The following STK32B variants were observed in gnomAD, a reference collection of about 807,000 sequenced individuals.
STK32B encodes serine/threonine-protein kinase 32B.
STK32B carries 43 observed loss-of-function variants against 52.6 expected under a neutral mutation model. The observed-to-expected ratio is 0.82, with a 90% CI of 0.64 to 1.05. The LOEUF (loss-of-function observed/expected upper bound fraction) is 1.05. STK32B is among the 50% of genes least tolerant of loss of function. STK32B has a pLI of 0.00. For synonymous variants in STK32B, 238 were observed against 204.3 expected (o/e 1.17, Z -1.41); for missense variants, 621 against 534.6 (o/e 1.16, Z -1.59).
intron 5 of STK32B, among the ~76,000 whole-genome samples, chr4:5,405,358 C>T (rs56718327): frequency 0.034 from 5,199 of 152,128 alleles, 295 homozygotes; most frequent in African/African-American, 0.12. Flanking sequence ...CCAGTTTGCT[C>T]ACCCTAAATT....
chr4:5,205,054 G>C (rs148924507), intron 3 of STK32B, among the ~76,000 whole-genome samples: 1 of 152,186 alleles, frequency 6.6e-6, no homozygotes, highest in Non-Finnish European at 1.5e-5. Context: ...TGGAGGGCCC[G>C]AGTGGAACAA....
intron 1 of STK32B, among the ~76,000 whole-genome samples, chr4:5,075,271 C>T (rs769478915): frequency 1.3e-5 from 2 of 152,164 alleles, no homozygotes; most frequent in African/African-American, 2.4e-5. Context: ...CAAATGTGAT[C>T]ATTCTGCCAT....
intron 4 of STK32B, among the ~76,000 whole-genome samples, chr4:5,371,056 G>A (rs1028808102): frequency 8.6e-5 from 13 of 151,332 alleles, no homozygotes; most frequent in South Asian, 2.1e-4. Context: ...GTGTGTGTGT[G>A]TATATATTCT....
rs565000861 is a variant in STK32B, at chr4:5,441,645, G to C, written c.563-5028G>C. Reference sequence around the variant, plus strand: ...TTTAGTTATTTCTTGCCTTCTGCTAGCTTTTGAATGTGTTTGCTCTTGCTT... The same window carrying C: ...TTTAGTTATTTCTTGCCTTCTGCTACCTTTTGAATGTGTTTGCTCTTGCTT... On this transcript the variant is annotated intron_variant, in intron 6 of 11. Coordinates refer to ENST00000282908, the MANE Select transcript of STK32B (RefSeq NM_018401.3). 5.9e-3 allele frequency among the ~76,000 whole-genome samples: 901 copies of C among 152,108 alleles called. 6 individuals carry two copies. The highest frequency in any genetic ancestry group is 0.021 in the African/African-American group (873 of 41,496).
chr4:5,379,967 C>A (rs535147011), intron 4 of STK32B, among the ~76,000 whole-genome samples: 2 of 152,282 alleles, frequency 1.3e-5, no homozygotes, highest in African/African-American at 2.4e-5. Context: ...CAGTTCAGAG[C>A]AGCTTAAGGC....
chr4:5,389,001 A>G (rs1036940804), intron 4 of STK32B, among the ~76,000 whole-genome samples: 14 of 152,228 alleles, frequency 9.2e-5, no homozygotes, highest in Non-Finnish European at 1.9e-4. Flanking sequence ...GCAGGATTAA[A>G]AAAAAATCAG....
At chr4:5,489,521 ACTGT>A (rs941078812) in intron 11 of STK32B, among the ~76,000 whole-genome samples, 10 of 152,196 alleles carry the variant, frequency 6.6e-5, no homozygotes, top group African/African-American at 1.7e-4. Context: ...AAAATATAAA[ACTGT>A]CTGATAAGTA....
chr4:5,313,470 A>C (rs1351182404), intron 3 of STK32B, among the ~76,000 whole-genome samples: 3 of 152,010 alleles, frequency 2.0e-5, no homozygotes, highest in Admixed American at 2.0e-4. Flanking sequence ...TTTTGCTTTT[A>C]CTACTCTTAC....
intron 5 of STK32B, among the ~76,000 whole-genome samples, chr4:5,402,158 G>A (rs887655807): frequency 4.6e-5 from 7 of 152,268 alleles, no homozygotes; most frequent in African/African-American, 1.2e-4. Context: ...GAGACAAAGC[G>A]AGTCACTTGG....
intron 3 of STK32B, among the ~76,000 whole-genome samples, chr4:5,317,311 C>CATATAAAAT (rs199778975): frequency 4.2e-5 from 1 of 24,058 alleles, no homozygotes; most frequent in African/African-American, 2.6e-4. Flanking sequence ...TAATATATAA[C>CATATAAAAT]ATATGTATAA....
intron 3 of STK32B, among the ~76,000 whole-genome samples, chr4:5,253,740 A>G (rs1176379263): frequency 6.6e-6 from 1 of 152,150 alleles, no homozygotes; most frequent in Non-Finnish European, 1.5e-5. Flanking sequence ...ACATAGAGTT[A>G]ACACTACTGA....
chr4:5,414,721 T>C (rs966029158), intron 5 of STK32B, among the ~76,000 whole-genome samples: 2 of 152,244 alleles, frequency 1.3e-5, no homozygotes, highest in Non-Finnish European at 2.9e-5. Context: ...AGAAATCATA[T>C]ATACATTTGC....
At chr4:5,055,594 T>G (rs1376486740) in intron 1 of STK32B, among the ~76,000 whole-genome samples, 2 of 152,096 alleles carry the variant, frequency 1.3e-5, no homozygotes, top group Non-Finnish European at 2.9e-5. Flanking sequence ...GTTAAGAAAA[T>G]AAAAGCTGAA....
At position 5,443,601 on chromosome 4, in the gene STK32B, T is replaced by C. The variant is rs1190424090; in HGVS notation, c.563-3072T>C. Among the ~76,000 whole-genome samples the C allele has an allele frequency of 5.9e-5, 9 of 152,332 alleles. No homozygotes were observed. In the South Asian group the frequency reaches 8.3e-4, roughly 14 times the overall value. On this transcript the variant is annotated intron_variant, in intron 6 of 11. Coordinates refer to ENST00000282908, the MANE Select transcript of STK32B (RefSeq NM_018401.3). The stretch of plus-strand genomic sequence containing the variant: ...GATCGTCTGAAGCCTTCTCTCAGCT[T>C]GTCAAAGTCATTCTCCATCCAGCTT...
At chr4:5,161,914 T>A (rs73210282) in intron 2 of STK32B, among the ~76,000 whole-genome samples, 3,983 of 146,336 alleles carry the variant, frequency 0.027, 84 homozygotes, top group Non-Finnish European at 0.043. Flanking sequence ...AATGTCACAC[T>A]GTAGCTGTTT....
intron 1 of STK32B, among the ~76,000 whole-genome samples, chr4:5,089,226 TA>T (rs34356123): frequency 0.24 from 36,532 of 149,292 alleles, 4,824 homozygotes; most frequent in Middle Eastern, 0.35. Context: ...TTCTTTATTC[TA>T]AAAAAAAAAC....
At chr4:5,188,975 C>G (rs1720965240) in intron 3 of STK32B, among the ~76,000 whole-genome samples, 1 of 151,536 alleles carries the variant, frequency 6.6e-6, no homozygotes, top group African/African-American at 2.4e-5. Context: ...AACAAACCTG[C>G]ACGTTGTGCA....
chr4:5,138,403 AATAAC>A (rs1716207122), intron 1 of STK32B, among the ~76,000 whole-genome samples: 1 of 152,002 alleles, frequency 6.6e-6, no homozygotes, highest in African/African-American at 2.4e-5. Flanking sequence ...TTTTTTTGTA[AATAAC>A]ATATCTTTTC....
chr4:5,080,706 A>C lies in STK32B; in HGVS notation c.52+28791A>C, dbSNP rs369288261. 9.8e-5 allele frequency among the ~76,000 whole-genome samples: 15 copies of C among 152,316 alleles called. No homozygotes were observed. In the South Asian group the frequency reaches 3.1e-3, roughly 32 times the overall value. ...TTTAAGGTGTACAATGTGATATTTCAATATACATACACATTGTGAAATGAT... is the reference window on the plus strand; with the variant it reads ...TTTAAGGTGTACAATGTGATATTTCCATATACATACACATTGTGAAATGAT... On this transcript the variant is annotated intron_variant, in intron 1 of 11. Transcript: ENST00000282908.
Sources: allele counts gnomAD v4.1 joint callset (sites outside exome capture counted in the v4.1 genomes callset), GRCh38; gene constraint gnomAD v4.1.1; transcripts MANE v1.5; gene names NCBI Gene and HGNC (gene_info 2026-07-23, HGNC 2026-07-21).